The following LINGO2 variants were observed in gnomAD, a reference collection of about 807,000 sequenced individuals.
LINGO2 encodes the protein leucine-rich repeat and immunoglobulin-like domain-containing nogo receptor-interacting protein 2.
Under a neutral mutation model 30.6 loss-of-function variants are expected in LINGO2, and 14 were observed. That is an observed-to-expected ratio of 0.46 (90% CI 0.30 to 0.72). The LOEUF is 0.72. Ranked by LOEUF, LINGO2 falls within the 30% of genes least tolerant of loss-of-function variation. LINGO2 has a pLI of 0.07. For synonymous variants in LINGO2, 317 were observed against 288.5 expected (o/e 1.10, Z -1.00); for missense variants, 729 against 751.7 (o/e 0.97, Z 0.35).
the LINGO2 span, among the ~76,000 whole-genome samples, chr9:28,877,968 G>A: frequency 5.3e-4 from 80 of 151,914 alleles, no homozygotes; most frequent in South Asian, 3.5e-3. Flanking sequence ...GGTCCTTCAC[G>A]TCCCTTGAAA....
intron 4 of LINGO2, among the ~76,000 whole-genome samples, chr9:28,226,799 A>T (rs1821186247): frequency 6.6e-6 from 1 of 152,158 alleles, no homozygotes; most frequent in Non-Finnish European, 1.5e-5. Flanking sequence ...AGGTCCTTCC[A>T]GGGCTGAAAG....
At chr9:28,043,430 A>G (rs1459236137) in intron 4 of LINGO2, among the ~76,000 whole-genome samples, 1 of 152,178 alleles carries the variant, frequency 6.6e-6, no homozygotes, top group African/African-American at 2.4e-5. Flanking sequence ...ATGTAGAAGG[A>G]GAGTATGGCA....
intron 1 of LINGO2, among the ~76,000 whole-genome samples, chr9:28,487,121 A>G (rs186318307): frequency 2.1e-4 from 32 of 152,274 alleles, no homozygotes; most frequent in African/African-American, 7.5e-4. Context: ...GTTCCTCACT[A>G]ATCTAACAGA....
chr9:28,949,672 AC>A, the LINGO2 span, among the ~76,000 whole-genome samples: 4 of 152,300 alleles, frequency 2.6e-5, no homozygotes, highest in Middle Eastern at 3.4e-3. Flanking sequence ...GCCGAATTCT[AC>A]CAGAGGTACA....
At chr9:28,735,684 T>C in the LINGO2 span, among the ~76,000 whole-genome samples, 1 of 152,110 alleles carries the variant, frequency 6.6e-6, no homozygotes, top group Non-Finnish European at 1.5e-5. Flanking sequence ...TTTTTACACA[T>C]TGTTGGAAAA....
chr9:28,516,859 T>C (rs957339982), intron 1 of LINGO2, among the ~76,000 whole-genome samples: 1 of 152,200 alleles, frequency 6.6e-6, no homozygotes, highest in African/African-American at 2.4e-5. Context: ...CTATGAGATA[T>C]CTGATAATAT....
the LINGO2 span, among the ~76,000 whole-genome samples, chr9:28,752,510 C>G: frequency 2.0e-5 from 3 of 151,932 alleles, no homozygotes; most frequent in Non-Finnish European, 2.9e-5. Flanking sequence ...GTACATGTTT[C>G]TAAATATTGG....
intron 5 of LINGO2, among the ~76,000 whole-genome samples, chr9:27,987,609 T>C (rs2118988644): frequency 6.6e-6 from 1 of 152,036 alleles, no homozygotes; most frequent in Admixed American, 6.6e-5. Flanking sequence ...AAGCATTCAC[T>C]CCATCTCACT....
chr9:28,957,336 C>A, the LINGO2 span, among the ~76,000 whole-genome samples: 2 of 152,038 alleles, frequency 1.3e-5, no homozygotes, highest in Non-Finnish European at 2.9e-5. Flanking sequence ...CAATGCAATG[C>A]CAAATTTCAA....
At chr9:29,077,991 A>G in the LINGO2 span, among the ~76,000 whole-genome samples, 1 of 151,980 alleles carries the variant, frequency 6.6e-6, no homozygotes, top group Non-Finnish European at 1.5e-5. Flanking sequence ...CTTTTGTACA[A>G]TCAGAGTACT....
chr9:29,186,444 C>T, the LINGO2 span, among the ~76,000 whole-genome samples: 1 of 152,028 alleles, frequency 6.6e-6, no homozygotes, highest in Non-Finnish European at 1.5e-5. Context: ...TATAAACACG[C>T]TGAAACTTAA....
At chr9:28,641,064 C>T (rs1367637237) in intron 1 of LINGO2, among the ~76,000 whole-genome samples, 1 of 152,060 alleles carries the variant, frequency 6.6e-6, no homozygotes, top group Non-Finnish European at 1.5e-5. Context: ...GACGGAGTCT[C>T]ACTCTGTCGC....
the LINGO2 span, among the ~76,000 whole-genome samples, chr9:28,767,741 G>A: frequency 4.5e-4 from 64 of 142,170 alleles, no homozygotes; most frequent in Admixed American, 1.4e-3. Context: ...AGCCGAGATC[G>A]CGCCACTGCA....
chr9:29,040,867 T>C, the LINGO2 span, among the ~76,000 whole-genome samples: 4 of 151,944 alleles, frequency 2.6e-5, no homozygotes, highest in Admixed American at 1.3e-4. Flanking sequence ...ATATAAAAGA[T>C]TGTAATTCAA....
the LINGO2 span, among the ~76,000 whole-genome samples, chr9:28,757,965 C>T: frequency 6.6e-6 from 1 of 152,052 alleles, no homozygotes; most frequent in East Asian, 1.9e-4. Context: ...AACAGAATGA[C>T]CACAACAGGT....
intron 1 of LINGO2, among the ~76,000 whole-genome samples, chr9:28,494,679 CGT>C (rs1225322033): frequency 6.6e-6 from 1 of 152,138 alleles, no homozygotes; most frequent in Non-Finnish European, 1.5e-5. Context: ...AATAAACATA[CGT>C]GTGCATGTGT....
chr9:28,008,013 T>C (rs549810592), intron 5 of LINGO2, among the ~76,000 whole-genome samples: 1 of 152,312 alleles, frequency 6.6e-6, no homozygotes, highest in South Asian at 2.1e-4. Flanking sequence ...GACCAGCGCA[T>C]GTTTACTGAA....
chr9:28,682,983 G>T, the LINGO2 span, among the ~76,000 whole-genome samples: 1 of 152,010 alleles, frequency 6.6e-6, no homozygotes, highest in Non-Finnish European at 1.5e-5. Context: ...TTCTCTGATG[G>T]TAAGTATTCC....
the LINGO2 span, among the ~76,000 whole-genome samples, chr9:28,933,769 T>C: frequency 6.6e-6 from 1 of 152,210 alleles, no homozygotes; most frequent in African/African-American, 2.4e-5. Context: ...GCCCAACAAT[T>C]GCTTGTCCAG....
Sources: gnomAD v4.1 joint callset for allele counts (sites outside exome capture counted in the v4.1 genomes callset) on GRCh38, gnomAD v4.1.1 for gene constraint, MANE v1.5 for transcripts, NCBI Gene and HGNC (gene_info 2026-07-23, HGNC 2026-07-21) for gene names.